CALB2: variants seen among roughly 807,000 people sequenced by gnomAD.
The protein encoded by CALB2 is calbindin 2.
Under a neutral mutation model 45.9 loss-of-function variants are expected in CALB2, and 34 were observed. That is an observed-to-expected ratio of 0.74 (90% confidence interval 0.56 to 0.99). The LOEUF is 0.99. Ranked by LOEUF, CALB2 falls within the 50% of genes least tolerant of loss-of-function variation. The pLI is 0.00. For missense variants in CALB2, 344 were observed against 339.3 expected, an observed-to-expected ratio of 1.01 and a Z score of -0.11; for synonymous variants, 142 against 129.6, an observed-to-expected ratio of 1.10 and a Z score of -0.65.
chr16:71,362,934 C>A (rs2042248676), intron 1 of CALB2, among the ~76,000 whole-genome samples: 1 of 152,200 alleles, frequency 6.6e-6, no homozygotes, highest in South Asian at 2.1e-4. Context: ...AATCCCAGCA[C>A]CTTGGGAGGC....
intron 4 of CALB2, among the ~76,000 whole-genome samples, chr16:71,380,291 T>C (rs1267334040): frequency 1.0e-4 from 7 of 69,204 alleles, no homozygotes; most frequent in South Asian, 4.2e-4. Flanking sequence ...TCCTTCCTTT[T>C]CTTTTTTTTT....
chr16:71,389,322 T>A (rs1009460447), intron 10 of CALB2, among the ~76,000 whole-genome samples: 2 of 152,234 alleles, frequency 1.3e-5, no homozygotes, highest in African/African-American at 4.8e-5. Flanking sequence ...CAGTTTGGCC[T>A]TGAGTTAACC....
At chr16:71,379,467 G>A (rs1339527545) in intron 4 of CALB2, among the ~76,000 whole-genome samples, 2 of 152,002 alleles carry the variant, frequency 1.3e-5, no homozygotes, top group Non-Finnish European at 2.9e-5. Flanking sequence ...ACAAAAAGTG[G>A]AAATTCTATG....
intron 9 of CALB2, 142 bp from the exon 10 acceptor site, chr16:71,385,435 A>T: frequency 3.4e-6 from 2 of 582,886 alleles, no homozygotes; most frequent in South Asian, 5.9e-5. Context: ...GAAGGGACAC[A>T]TTATTTTGTC....
rs754114195 is a variant in CALB2 at position 71,377,657 on chromosome 16, A to G, written c.262-10A>G. The G allele has an allele frequency of 6.8e-6, 11 of 1,608,832 alleles. No homozygotes were observed. The highest frequency in any genetic ancestry group is 2.2e-5 in the East Asian group (1 of 44,806). ...CCATAACGTTAGTGTCGCTCTCTGT[A>G]TCTTCACAGCTGGCGCAGATCCTGC... On this transcript the variant is annotated splice_polypyrimidine_tract_variant and intron_variant, in intron 3 of 10. Coordinates refer to ENST00000302628, the MANE Select transcript of CALB2 (RefSeq NM_001740.5).
chr16:71,379,245 C>T (rs1440411633), intron 4 of CALB2, among the ~76,000 whole-genome samples: 1 of 151,424 alleles, frequency 6.6e-6, no homozygotes, highest in Non-Finnish European at 1.5e-5. Context: ...CCACTGCACT[C>T]CAGCCTGGGC....
intron 1 of CALB2, among the ~76,000 whole-genome samples, chr16:71,366,732 A>T (rs1423494448): frequency 6.6e-6 from 1 of 152,190 alleles, no homozygotes; most frequent in Non-Finnish European, 1.5e-5. Flanking sequence ...GAGGGAGTAT[A>T]AATGGAAGGC....
intron 3 of CALB2, among the ~76,000 whole-genome samples, chr16:71,376,638 A>C (rs958464887): frequency 2.6e-5 from 4 of 151,724 alleles, no homozygotes; most frequent in Admixed American, 1.3e-4. Context: ...CCCACATGCA[A>C]CCACATGTGC....
At chr16:71,381,201 G>C (rs142275404) in intron 4 of CALB2, among the ~76,000 whole-genome samples, 4 of 152,164 alleles carry the variant, frequency 2.6e-5, no homozygotes, top group African/African-American at 9.7e-5. Flanking sequence ...AAGTGCCTGC[G>C]AGTTGTTGGT....
chr16:71,371,847 C>T (rs957279313), intron 1 of CALB2, among the ~76,000 whole-genome samples: 5 of 152,216 alleles, frequency 3.3e-5, no homozygotes, highest in Admixed American at 1.3e-4. Flanking sequence ...ACACCTCTGC[C>T]ACCTCGTGCT....
chr16:71,363,517 C>A (rs1418075871), intron 1 of CALB2, among the ~76,000 whole-genome samples: 1 of 152,214 alleles, frequency 6.6e-6, no homozygotes, highest in Non-Finnish European at 1.5e-5. Flanking sequence ...CAAGCCCACA[C>A]AACACTGAGG....
Position 71,377,732 on chromosome 16 carries a change from C to T in CALB2, c.327C>T (p.Ser109=), listed in dbSNP as rs578007426. ...GCTTCAGGCAGCACGTGGGCTCCAG[C>T]GCCGAGTTTATGGAGGTGAGGCCAA... ...LLCFRQHVGS[S]AEFMEAWRKY... The change falls in exon 4 of 11, where the codon AGC becomes AGT. Residue 109 remains serine (S), a synonymous_variant. Transcript: ENST00000302628. The T allele has an allele frequency of 1.3e-5, 21 of 1,613,838 alleles. No homozygotes were observed. The African/African-American group carries it at 1.7e-4, about 13-fold the overall frequency.
intron 1 of CALB2, among the ~76,000 whole-genome samples, chr16:71,371,316 T>C (rs879727546): frequency 1.3e-5 from 2 of 152,156 alleles, no homozygotes; most frequent in African/African-American, 4.8e-5. Flanking sequence ...TGACATCCCA[T>C]AGGACAGATG....
chr16:71,369,239 C>T (rs1476058122), intron 1 of CALB2, among the ~76,000 whole-genome samples: 4 of 152,186 alleles, frequency 2.6e-5, no homozygotes, highest in Non-Finnish European at 4.4e-5. Flanking sequence ...CTTTAATCTT[C>T]ATGGCAGCTG....
chr16:71,384,283 C>T, intron 7 of CALB2, 56 bp from the exon 8 acceptor site: 1 of 1,451,434 alleles, frequency 6.9e-7, no homozygotes, highest in Admixed American at 1.7e-5. Context: ...TTCCCCTCTC[C>T]CGCTTGCCCT....
In CALB2 at chr16:71,370,605, C is replaced by T. The variant is rs149653544; in HGVS notation, c.95-1548C>T. Among the ~76,000 whole-genome samples, 6 of 152,212 alleles carry T rather than the reference C, an allele frequency of 3.9e-5. No individual in the cohort carries two copies. The East Asian group carries it at 1.2e-3, about 29-fold the overall frequency. ...CCTGGGTGCCAGGTACCTGTAATCCCAGCTACTTGGGAGGCTGAGGCAGGA... is the reference window on the plus strand; with the variant it reads ...CCTGGGTGCCAGGTACCTGTAATCCTAGCTACTTGGGAGGCTGAGGCAGGA... On this transcript the variant is annotated intron_variant, in intron 1 of 10. Coordinates refer to ENST00000302628, the MANE Select transcript of CALB2 (RefSeq NM_001740.5).
intron 6 of CALB2, 90 bp from the exon 7 acceptor site, chr16:71,383,880 C>T (rs35885273): frequency 0.3 from 426,560 of 1,445,930 alleles, 73,431 homozygotes; most frequent in African/African-American, 0.66. Flanking sequence ...ACGTGTCACC[C>T]GTCCTCCTTC....
intron 2 of CALB2, among the ~76,000 whole-genome samples, chr16:71,374,009 C>G (rs1186381011): frequency 6.6e-6 from 1 of 152,176 alleles, no homozygotes; most frequent in Non-Finnish European, 1.5e-5. Context: ...GAAACATCAG[C>G]CGTGCAAGGT....
intron 2 of CALB2, among the ~76,000 whole-genome samples, chr16:71,374,507 A>G (rs1035259569): frequency 2.0e-5 from 3 of 152,148 alleles, no homozygotes; most frequent in African/African-American, 7.2e-5. Flanking sequence ...ATTACCTGGT[A>G]TGGAGCATGG....
Sources: gnomAD v4.1 joint callset for allele counts (sites outside exome capture counted in the v4.1 genomes callset) on GRCh38, gnomAD v4.1.1 for gene constraint, MANE v1.5 for transcripts, NCBI Gene and HGNC (gene_info 2026-07-23, HGNC 2026-07-21) for gene names.